MDH1B: variants seen among roughly 807,000 people sequenced by gnomAD.
MDH1B encodes the protein putative malate dehydrogenase 1B.
Under a neutral mutation model 61.4 loss-of-function variants are expected in MDH1B, and 60 were observed. That is an observed-to-expected ratio of 0.98 (90% CI 0.79 to 1.21). The LOEUF is 1.21. MDH1B is among the 50% of genes most tolerant of loss of function. The probability of loss-of-function intolerance (pLI) is 0.00; values close to 1 mark genes in which losing one functional copy is unlikely to be tolerated. For synonymous variants in MDH1B, 236 were observed against 218.7 expected, an observed-to-expected ratio of 1.08 and a Z score of -0.70; for missense variants, 587 against 632.1, an observed-to-expected ratio of 0.93 and a Z score of 0.76.
intron 10 of MDH1B, 45 bp from the exon 11 acceptor site, chr2:206,739,706 A>T (rs1454328648): frequency 1.9e-6 from 3 of 1,571,128 alleles, no homozygotes; most frequent in Non-Finnish European, 2.6e-6. Context: ...GTAAAGCGCA[A>T]TAATTTTTGC....
rs1447294072 is a variant in MDH1B at position 206,749,052 on chromosome 2, C to T, written c.1184G>A (p.Gly395Glu). 2 of 1,613,790 alleles carry T rather than the reference C, an allele frequency of 1.2e-6. No homozygotes were observed. The highest frequency in any genetic ancestry group is 2.7e-5 in the African/African-American group (2 of 74,902). Residue 395 changes from glycine (G) to glutamate (E), a missense_variant, in exon 7 of 12, where the codon GGG becomes GAG. By Grantham distance (98) the Gly-to-Glu change is moderately conservative. Coordinates refer to ENST00000374412, the MANE Select transcript of MDH1B (RefSeq NM_001039845.3). ...CAATATTCCTAAAGATACAATCTCC[C>T]CAGGTGGTGAGCCATGGTACCAGTA... ...LKYWYHGSPP[G>E]EIVSLGILSE... is the part of the protein sequence containing the mutation.
chr2:206,740,063 T>C (rs1687722690), intron 10 of MDH1B, among the ~76,000 whole-genome samples: 1 of 152,204 alleles, frequency 6.6e-6, no homozygotes, highest in Admixed American at 6.5e-5. Flanking sequence ...ATGGTTTGTA[T>C]AGGCAGCTTT....
intron 2 of MDH1B, 35 bp downstream of exon 2, chr2:206,760,866 A>T (rs1689051593): frequency 1.7e-6 from 2 of 1,189,864 alleles, no homozygotes; most frequent in African/African-American, 1.5e-5. Flanking sequence ...CATTTTGTGC[A>T]TGAGTGAGTT....
chr2:206,764,920 TCC>T (rs1197123907), intron 1 of MDH1B, among the ~76,000 whole-genome samples: 1 of 152,120 alleles, frequency 6.6e-6, no homozygotes, highest in Non-Finnish European at 1.5e-5. Flanking sequence ...TGTCCACCTC[TCC>T]CTCATCCCCC....
At chr2:206,745,246 G>C (rs1009203058) in intron 9 of MDH1B, 1 of 346,392 alleles carries the variant, frequency 2.9e-6, no homozygotes, top group Non-Finnish European at 5.7e-6. Context: ...TCTTTCTCAA[G>C]CCTTCAGAGA....
chr2:206,752,177 T>C (rs1688487284), intron 5 of MDH1B, among the ~76,000 whole-genome samples: 1 of 152,154 alleles, frequency 6.6e-6, no homozygotes. Context: ...CCTAACACAG[T>C]TGTGTTCAAG....
chr2:206,757,232 T>C lies in MDH1B; in HGVS notation c.270+5A>G. ...TTATTAGAACAGATAAGTTAACTTATATACCTGAGCATGCTCCAGGAACTC... is the reference window on the plus strand; with the variant it reads ...TTATTAGAACAGATAAGTTAACTTACATACCTGAGCATGCTCCAGGAACTC... On this transcript the variant is annotated splice_donor_5th_base_variant and intron_variant, in intron 3 of 11. Coordinates refer to ENST00000374412, the MANE Select transcript of MDH1B (RefSeq NM_001039845.3). The C allele has an allele frequency of 6.2e-7, 1 of 1,609,850 alleles. No homozygotes were observed. The highest frequency in any genetic ancestry group is 8.5e-7 in the Non-Finnish European group (1 of 1,178,110).
chr2:206,757,038 A>C lies in MDH1B; in HGVS notation c.273T>G (p.Leu91=), dbSNP rs1368572687. The stretch of plus-strand genomic sequence containing the variant: ...TCATGCTAGAGGTGACATCATAGTA[A>C]AGCTAAATATTGGGAGAGAAAAAGT... ...GYNEFLEHAQ[L]YYDVTSSMTT... is the part of the protein sequence containing the mutation. The change falls in exon 4 of 12, where the codon CTT becomes CTG. Residue 91 remains leucine, a splice_region_variant and synonymous_variant. Transcript: ENST00000374412. The C allele has an allele frequency of 1.6e-5, 25 of 1,612,480 alleles. No homozygotes were observed. The highest frequency in any genetic ancestry group is 2.0e-5 in the Non-Finnish European group (24 of 1,179,162).
chr2:206,745,986 G>A (rs1412882120), intron 8 of MDH1B, among the ~76,000 whole-genome samples: 2 of 151,818 alleles, frequency 1.3e-5, no homozygotes, highest in African/African-American at 2.4e-5. Context: ...CACCCACCTC[G>A]ACCTCCCAAA....
rs777316112 is a variant in MDH1B, at chr2:206,761,018, A to G, written c.23-5T>C. On this transcript the variant is annotated splice_region_variant and splice_polypyrimidine_tract_variant and intron_variant, in intron 1 of 11. Transcript: ENST00000374412. ...AATATGGACAATCTGCTCTACCTAA[A>G]AGAGTTCAAATTAGCAATGTTTTCT... is the stretch of plus-strand genomic sequence containing the variant. The G allele has an allele frequency of 1.4e-5, 21 of 1,490,226 alleles. No homozygotes were observed. The highest frequency in any genetic ancestry group is 2.0e-5 in the Non-Finnish European group (21 of 1,075,618). 92.3% of individuals were successfully genotyped at this position (1,490,226 alleles called of 1,614,324 possible).
intron 9 of MDH1B, chr2:206,745,257 G>T: frequency 2.6e-6 from 1 of 386,306 alleles, no homozygotes. Context: ...CCTTCAGAGA[G>T]AGTGTGGCCC....
intron 7 of MDH1B, among the ~76,000 whole-genome samples, chr2:206,747,709 T>A (rs7583037): frequency 0.12 from 18,675 of 152,032 alleles, 1,649 homozygotes; most frequent in African/African-American, 0.26. Context: ...GCGAACAAAA[T>A]GCTATGTGGG....
chr2:206,744,570 C>T (rs752303636), intron 9 of MDH1B, among the ~76,000 whole-genome samples: 1 of 152,042 alleles, frequency 6.6e-6, no homozygotes, highest in Non-Finnish European at 1.5e-5. Flanking sequence ...AATTTGTTGG[C>T]TTTTAATAAA....
At chr2:206,749,699 T>C (rs1688324808) in intron 6 of MDH1B, among the ~76,000 whole-genome samples, 1 of 152,242 alleles carries the variant, frequency 6.6e-6, no homozygotes, top group Non-Finnish European at 1.5e-5. Context: ...ACATACACCT[T>C]ATACACATAG....
chr2:206,740,950 A>G (rs186062711), intron 10 of MDH1B, 104 bp downstream of exon 10: 850 of 1,481,618 alleles, frequency 5.7e-4, no homozygotes, highest in Non-Finnish European at 6.6e-4. Context: ...AGTTATTTAA[A>G]ACTTGCTTTG....
At chr2:206,756,831 C>A in intron 4 of MDH1B, 67 bp downstream of exon 4, 2 of 1,541,116 alleles carry the variant, frequency 1.3e-6, no homozygotes, top group Admixed American at 1.8e-5. Flanking sequence ...TGAAATTAAT[C>A]CCATCTCATT....
chr2:206,760,107 G>T (rs1490825309), intron 2 of MDH1B, among the ~76,000 whole-genome samples: 1 of 152,190 alleles, frequency 6.6e-6, no homozygotes, highest in Non-Finnish European at 1.5e-5. Flanking sequence ...GGATCCAAAA[G>T]GCACAACAGG....
intron 2 of MDH1B, among the ~76,000 whole-genome samples, chr2:206,758,549 T>C (rs1688895382): frequency 1.3e-5 from 2 of 152,092 alleles, no homozygotes; most frequent in African/African-American, 4.8e-5. Context: ...GGGGAACATC[T>C]GAGGTCAAGA....
At chr2:206,741,580 T>G (rs893112593) in intron 9 of MDH1B, among the ~76,000 whole-genome samples, 2 of 152,202 alleles carry the variant, frequency 1.3e-5, no homozygotes, top group African/African-American at 4.8e-5. Flanking sequence ...CCCTCAAACA[T>G]TGGACTCCAA....
Sources: gnomAD v4.1 joint callset for allele counts (sites outside exome capture counted in the v4.1 genomes callset) on GRCh38, gnomAD v4.1.1 for gene constraint, MANE v1.5 for transcripts, NCBI Gene and HGNC (gene_info 2026-07-23, HGNC 2026-07-21) for gene names.